Variants in MECOM observed in about 807,000 individuals in gnomAD.
MECOM encodes the protein MDS1 and EVI1 complex locus.
Under a neutral mutation model 116.3 loss-of-function variants are expected in MECOM, and 13 were observed. The observed-to-expected ratio is 0.11, with a 90% CI of 0.07 to 0.18. The LOEUF is 0.18. Among genes scored for constraint, MECOM ranks in the 10% least tolerant of loss-of-function variants. The pLI, the probability that MECOM is intolerant of heterozygous loss-of-function variation, is 1.00. For synonymous variants in MECOM, 528 were observed against 535.2 expected, an observed-to-expected ratio of 0.99 and a Z score of 0.19; for missense variants, 1,299 against 1,509.0, an observed-to-expected ratio of 0.86 and a Z score of 2.31.
intron 1 of MECOM, among the ~76,000 whole-genome samples, chr3:169,457,873 A>C (rs921912568): frequency 6.6e-6 from 1 of 152,226 alleles, no homozygotes; most frequent in Non-Finnish European, 1.5e-5. Context: ...CGAAAATGTG[A>C]TGTAACCTAA....
chr3:169,296,412 C>T (rs1284935086), intron 2 of MECOM, among the ~76,000 whole-genome samples: 2 of 152,128 alleles, frequency 1.3e-5, no homozygotes, highest in Non-Finnish European at 2.9e-5. Context: ...TAGTTATGGT[C>T]CCTCAACAGC....
chr3:169,123,848 T>G (rs1260128384), intron 5 of MECOM, among the ~76,000 whole-genome samples: 1 of 152,086 alleles, frequency 6.6e-6, no homozygotes, highest in East Asian at 1.9e-4. Context: ...GCAACTCTTT[T>G]ATCAATAAAG....
chr3:169,277,396 C>T (rs1759737655), intron 2 of MECOM, among the ~76,000 whole-genome samples: 1 of 152,156 alleles, frequency 6.6e-6, no homozygotes, highest in South Asian at 2.1e-4. Context: ...ACTGTCTCAT[C>T]AGGTTCTAAT....
intron 1 of MECOM, among the ~76,000 whole-genome samples, chr3:169,392,979 C>A (rs748004110): frequency 9.2e-5 from 14 of 152,248 alleles, no homozygotes; most frequent in Middle Eastern, 3.4e-3. Flanking sequence ...GGCACGCCCA[C>A]ATTTCCATTA....
At chr3:169,429,223 A>G (rs1156405378) in intron 1 of MECOM, among the ~76,000 whole-genome samples, 1 of 152,222 alleles carries the variant, frequency 6.6e-6, no homozygotes, top group Non-Finnish European at 1.5e-5. Flanking sequence ...TTCCAGCTAT[A>G]GGATCCCCAA....
At chr3:169,360,319 CA>C in intron 2 of MECOM, among the ~76,000 whole-genome samples, 35 of 87,834 alleles carry the variant, frequency 4.0e-4, no homozygotes, top group East Asian at 1.1e-3. Context: ...AAAGTTACAC[CA>C]AAAAAAAAAA....
At chr3:169,467,917 C>T (rs1452788276) in intron 1 of MECOM, among the ~76,000 whole-genome samples, 8 of 152,174 alleles carry the variant, frequency 5.3e-5, no homozygotes, top group African/African-American at 1.9e-4. Flanking sequence ...AAATAAACAT[C>T]TTTAAATGTG....
intron 1 of MECOM, among the ~76,000 whole-genome samples, chr3:169,385,085 C>G (rs985690036): frequency 2.4e-5 from 3 of 124,088 alleles, no homozygotes; most frequent in Non-Finnish European, 4.8e-5. Context: ...GCCTGGGCAA[C>G]AGAGTAAGAC....
At chr3:169,185,311 A>C (rs1209896062) in intron 2 of MECOM, among the ~76,000 whole-genome samples, 1 of 152,150 alleles carries the variant, frequency 6.6e-6, no homozygotes, top group Non-Finnish European at 1.5e-5. Context: ...AAGGAGACTG[A>C]GCAGAATAGA....
chr3:169,395,439 G>T (rs1176710237), intron 1 of MECOM, among the ~76,000 whole-genome samples: 3 of 152,094 alleles, frequency 2.0e-5, no homozygotes, highest in Non-Finnish European at 2.9e-5. Context: ...TAAAGGTACG[G>T]TAAAAATGCC....
intron 1 of MECOM, among the ~76,000 whole-genome samples, chr3:169,661,796 CG>C (rs1212169907): frequency 6.6e-6 from 1 of 152,116 alleles, no homozygotes; most frequent in Non-Finnish European, 1.5e-5. Context: ...GAGGGTCGCG[CG>C]GGGGGAGACT....
chr3:169,516,285 A>G (rs923065260), intron 1 of MECOM, among the ~76,000 whole-genome samples: 1 of 152,250 alleles, frequency 6.6e-6, no homozygotes, highest in African/African-American at 2.4e-5. Context: ...TTGATAGAAA[A>G]TACGTGAAAA....
At chr3:169,377,347 C>G (rs1022700067) in intron 2 of MECOM, among the ~76,000 whole-genome samples, 6 of 151,770 alleles carry the variant, frequency 4.0e-5, no homozygotes, top group Admixed American at 3.3e-4. Context: ...TAAAGAGCTT[C>G]TGCACAGCAA....
chr3:169,390,683 G>A (rs1398264272), intron 1 of MECOM, among the ~76,000 whole-genome samples: 1 of 152,154 alleles, frequency 6.6e-6, no homozygotes, highest in African/African-American at 2.4e-5. Flanking sequence ...ATTCAGCTCT[G>A]CATGTGAAAT....
At chr3:169,213,807 A>G (rs1290377847) in intron 2 of MECOM, among the ~76,000 whole-genome samples, 2 of 152,178 alleles carry the variant, frequency 1.3e-5, no homozygotes, top group Non-Finnish European at 1.5e-5. Context: ...AGAAGGCCCT[A>G]AAACTAAACC....
Position 169,084,835 on chromosome 3 carries a change from T to C in MECOM, c.*74A>G. Reference sequence around the variant, plus strand: ...GTTTATAAGGCATTCTGCTCAGCAGTCTTGTAAATAGTCCTATATGAAAGA... The same window carrying C: ...GTTTATAAGGCATTCTGCTCAGCAGCCTTGTAAATAGTCCTATATGAAAGA... On this transcript the variant is annotated 3_prime_UTR_variant, in exon 17 of 17. Transcript: ENST00000651503. 6.4e-7 allele frequency: 1 copy of C among 1,558,174 alleles called. No individual in the cohort carries two copies. Among genetic ancestry groups the C allele is most frequent in the Non-Finnish European group, 8.8e-7 (1 of 1,135,222 alleles).
At chr3:169,173,884 T>C (rs1424446523) in intron 2 of MECOM, among the ~76,000 whole-genome samples, 2 of 152,212 alleles carry the variant, frequency 1.3e-5, no homozygotes, top group African/African-American at 4.8e-5. Context: ...TCAACCACCA[T>C]GTCACATTCA....
At chr3:169,645,478 G>A (rs1166537071) in intron 1 of MECOM, among the ~76,000 whole-genome samples, 1 of 152,010 alleles carries the variant, frequency 6.6e-6, no homozygotes, top group African/African-American at 2.4e-5. Context: ...TTTTTCTATT[G>A]TTTACCTTGT....
At chr3:169,248,010 A>G (rs1755807297) in intron 2 of MECOM, among the ~76,000 whole-genome samples, 1 of 152,364 alleles carries the variant, frequency 6.6e-6, no homozygotes, top group East Asian at 1.9e-4. Context: ...GAGAATTATC[A>G]TAATACTTAT....
Sources: allele counts gnomAD v4.1 joint callset (sites outside exome capture counted in the v4.1 genomes callset), GRCh38; gene constraint gnomAD v4.1.1; transcripts MANE v1.5; gene names NCBI Gene and HGNC (gene_info 2026-07-23, HGNC 2026-07-21).